The following TRIM24 variants were observed in gnomAD, a reference collection of about 807,000 sequenced individuals.
TRIM24 encodes the protein transcription intermediary factor 1-alpha.
TRIM24 carries 29 observed loss-of-function variants against 123.9 expected under a neutral mutation model. The observed-to-expected ratio is 0.23, with a 90% CI of 0.17 to 0.32. The LOEUF (loss-of-function observed/expected upper bound fraction) is 0.32, where lower values mean the gene tolerates loss of function less well. TRIM24 is among the 10% of genes least tolerant of loss of function. TRIM24 has a pLI of 1.00. For missense variants in TRIM24, 932 were observed against 1,295.3 expected, an observed-to-expected ratio of 0.72 and a Z score of 4.31; for synonymous variants, 456 against 461.1, an observed-to-expected ratio of 0.99 and a Z score of 0.14.
intron 7 of TRIM24, 24 bp from the exon 8 acceptor site, chr7:138,551,039 A>G (rs759277454): frequency 1.3e-6 from 2 of 1,586,516 alleles, no homozygotes; most frequent in Non-Finnish European, 1.7e-6. Flanking sequence ...CCTAATATTT[A>G]GTTATCTCTC....
At chr7:138,538,986 T>C (rs1053824001) in intron 7 of TRIM24, among the ~76,000 whole-genome samples, 183 bp downstream of exon 7, 3 of 152,206 alleles carry the variant, frequency 2.0e-5, no homozygotes, top group African/African-American at 7.2e-5. Context: ...TCAGTTTTAA[T>C]TTATCATTAA....
At chr7:138,579,836 T>C (rs1202206264) in intron 15 of TRIM24, among the ~76,000 whole-genome samples, 5 of 152,112 alleles carry the variant, frequency 3.3e-5, no homozygotes. Context: ...GGTGGGAGGA[T>C]TGGTTGAGCC....
chr7:138,463,574 A>G (rs1260305553), intron 1 of TRIM24, among the ~76,000 whole-genome samples: 2 of 152,194 alleles, frequency 1.3e-5, no homozygotes, highest in Admixed American at 1.3e-4. Flanking sequence ...CTTGTAGCCA[A>G]TTAAGATCTG....
intron 11 of TRIM24, among the ~76,000 whole-genome samples, chr7:138,572,254 C>T (rs1477025755): frequency 6.6e-6 from 1 of 152,062 alleles, no homozygotes; most frequent in Non-Finnish European, 1.5e-5. Flanking sequence ...TACATCTAAT[C>T]CCCATAGTTT....
At chr7:138,559,778 T>C (rs1349347184) in intron 9 of TRIM24, among the ~76,000 whole-genome samples, 1 of 152,166 alleles carries the variant, frequency 6.6e-6, no homozygotes, top group Non-Finnish European at 1.5e-5. Context: ...TCCTGCAACT[T>C]TAACAGCAGT....
intron 17 of TRIM24, among the ~76,000 whole-genome samples, chr7:138,582,391 A>G (rs1797915010): frequency 1.3e-5 from 2 of 151,976 alleles, no homozygotes; most frequent in African/African-American, 2.4e-5. Context: ...AAATACAAAA[A>G]ATTAGCCAGG....
At chr7:138,530,372 TGAA>T (rs999105935) in intron 6 of TRIM24, among the ~76,000 whole-genome samples, 5 of 152,130 alleles carry the variant, frequency 3.3e-5, no homozygotes, top group African/African-American at 1.2e-4. Context: ...CAGAATCACT[TGAA>T]GAGCTTTACA....
At chr7:138,569,362 G>A (rs915764281) in intron 10 of TRIM24, among the ~76,000 whole-genome samples, 8 of 151,910 alleles carry the variant, frequency 5.3e-5, no homozygotes, top group African/African-American at 1.7e-4. Flanking sequence ...AATCTACTGG[G>A]AAATTGCTTT....
chr7:138,464,405 C>T (rs899536747), intron 1 of TRIM24, among the ~76,000 whole-genome samples: 3 of 151,844 alleles, frequency 2.0e-5, no homozygotes, highest in African/African-American at 7.3e-5. Flanking sequence ...ATATCTATTA[C>T]ACAAAGGTTA....
chr7:138,506,209 A>G (rs1796147787), intron 2 of TRIM24, among the ~76,000 whole-genome samples: 1 of 152,246 alleles, frequency 6.6e-6, no homozygotes, highest in African/African-American at 2.4e-5. Context: ...TCCTGATGTG[A>G]ACCTTGTCAA....
At chr7:138,508,700 C>CGCGCGCGCGCGCGTGTGTGTGT (rs1182276337) in intron 2 of TRIM24, among the ~76,000 whole-genome samples, 1 of 35,510 alleles carries the variant, frequency 2.8e-5, no homozygotes, top group South Asian at 9.6e-4. Flanking sequence ...TGTGCGCGCG[C>CGCGCGCGCGCGCGTGTGTGTGT]GTGTGTGCGT....
At chr7:138,464,210 A>G (rs1487737514) in intron 1 of TRIM24, among the ~76,000 whole-genome samples, 1 of 151,240 alleles carries the variant, frequency 6.6e-6, no homozygotes, top group Admixed American at 6.6e-5. Context: ...GTTAGCCAGG[A>G]TGGTCTCGAT....
At chr7:138,581,852 C>T (rs1233067742) in intron 17 of TRIM24, 81 bp downstream of exon 17, 11 of 1,083,040 alleles carry the variant, frequency 1.0e-5, no homozygotes, top group Non-Finnish European at 1.4e-5. Context: ...CTTATATTAC[C>T]ATTTTTCAGT....
intron 1 of TRIM24, among the ~76,000 whole-genome samples, chr7:138,492,017 G>A (rs1795797269): frequency 6.6e-6 from 1 of 151,350 alleles, no homozygotes. Flanking sequence ...TATAATCCCA[G>A]CTATTTGGGA....
At chr7:138,461,150 C>CGCT (rs750824207) in intron 1 of TRIM24, 5 of 681,548 alleles carry the variant, frequency 7.3e-6, no homozygotes, top group East Asian at 3.0e-5. Context: ...CCGCCGCCGC[C>CGCT]GCTGCTCCGC....
chr7:138,568,870 A>G (rs1797594025), intron 10 of TRIM24, among the ~76,000 whole-genome samples: 1 of 152,190 alleles, frequency 6.6e-6, no homozygotes, highest in Non-Finnish European at 1.5e-5. Context: ...TAATTCTATA[A>G]CATCCATTTT....
Position 138,460,471 on chromosome 7 carries a change from C to T in TRIM24, c.-78C>T. ...CCGAGCGGCCTCTGAGGAGCAGCCG[C>T]AGGAGGAGGAGGAGGTCGTCGGGGG... is the stretch of plus-strand genomic sequence containing the variant. On this transcript the variant is annotated 5_prime_UTR_variant, in exon 1 of 19. Coordinates refer to ENST00000343526, the MANE Select transcript of TRIM24 (RefSeq NM_015905.3). 1.6e-6 allele frequency: 2 copies of T among 1,241,868 alleles called. No homozygotes were observed. Among genetic ancestry groups the T allele is most frequent in the South Asian group, 6.9e-5 (2 of 28,848 alleles). 76.9% of individuals were successfully genotyped at this position (1,241,868 alleles called of 1,614,324 possible).
rs79918551 is a variant in TRIM24 at position 138,462,181 on chromosome 7, G to C, written c.364+1269G>C. Among the ~76,000 whole-genome samples the C allele has an allele frequency of 5.5e-3, 831 of 152,256 alleles. 6 individuals are homozygous for C. The highest frequency in any genetic ancestry group is 0.024 in the Middle Eastern group (7 of 294). ...TAAGAATAACGTCTCCCTCTGGAGC[G>C]AAAGGGTAGGCATGCTTACTGCCCA... On this transcript the variant is annotated intron_variant, in intron 1 of 18. Coordinates refer to ENST00000343526, the MANE Select transcript of TRIM24 (RefSeq NM_015905.3).
intron 6 of TRIM24, among the ~76,000 whole-genome samples, chr7:138,537,436 C>T (rs534286324): frequency 1.6e-5 from 2 of 127,732 alleles, no homozygotes; most frequent in African/African-American, 3.2e-5. Flanking sequence ...CTATGTTGCC[C>T]AGGCTGGTTG....
Sources: gnomAD v4.1 joint callset for allele counts (sites outside exome capture counted in the v4.1 genomes callset) on GRCh38, gnomAD v4.1.1 for gene constraint, MANE v1.5 for transcripts, NCBI Gene and HGNC (gene_info 2026-07-23, HGNC 2026-07-21) for gene names.